Variants in FAM184A observed in about 807,000 individuals in gnomAD.
FAM184A encodes protein FAM184A.
A neutral mutation model predicts 143.8 loss-of-function variants in FAM184A; 99 were observed. The observed-to-expected ratio is 0.69, with a 90% CI of 0.58 to 0.81. FAM184A has a LOEUF of 0.81. FAM184A is among the 40% of genes least tolerant of loss of function. The pLI is 0.00. For missense variants in FAM184A, 1,217 were observed against 1,310.5 expected (o/e 0.93, Z 1.10); for synonymous variants, 427 against 446.4 (o/e 0.96, Z 0.55).
At chr6:119,084,843 C>G (rs1021218082) in intron 1 of FAM184A, among the ~76,000 whole-genome samples, 7 of 152,264 alleles carry the variant, frequency 4.6e-5, no homozygotes, top group Non-Finnish European at 1.0e-4. Flanking sequence ...AGGCTTCATA[C>G]CACCAAGGTT....
intron 5 of FAM184A, among the ~76,000 whole-genome samples, chr6:119,013,569 CACTA>C (rs1785152445): frequency 6.6e-6 from 1 of 152,228 alleles, no homozygotes; most frequent in African/African-American, 2.4e-5. Flanking sequence ...GCACATGCCT[CACTA>C]ACTAATGCTG....
chr6:119,112,950 T>G (rs986379775), intron 1 of FAM184A, among the ~76,000 whole-genome samples: 2 of 152,188 alleles, frequency 1.3e-5, no homozygotes, highest in Non-Finnish European at 2.9e-5. Flanking sequence ...ACAGTACATT[T>G]TTCCTTGCCT....
intron 5 of FAM184A, among the ~76,000 whole-genome samples, chr6:119,014,579 G>T (rs780654114): frequency 2.6e-5 from 4 of 152,208 alleles, no homozygotes; most frequent in Non-Finnish European, 5.9e-5. Context: ...TTCCTGAAGA[G>T]CACACCTATT....
At position 119,078,054 on chromosome 6, in the gene FAM184A, C is replaced by G. The variant is rs1036082900; in HGVS notation, c.159+87G>C. ...GGAGTAGAGTTCCCCTCGCTGCGGG[C>G]GCAGGGCGCACTGCCTCCCGGGGAG... On this transcript the variant is annotated intron_variant, in intron 1 of 17. Transcript: ENST00000338891. The surrounding 1 kb of genome is among the most constrained non-coding windows in gnomAD (Gnocchi z 5.5). The G allele has an allele frequency of 3.3e-5, 47 of 1,445,836 alleles. No homozygotes were observed. The highest frequency in any genetic ancestry group is 2.6e-5 in the East Asian group (1 of 38,352). The allele number at this position is 1,445,836 out of a possible 1,614,324, so 89.6% of individuals were successfully genotyped here. A position where few individuals can be genotyped will look rare whatever the true frequency, so the allele number is the denominator to read the frequency against.
At chr6:119,021,395 A>G (rs981130335) in intron 3 of FAM184A, among the ~76,000 whole-genome samples, 8 of 152,244 alleles carry the variant, frequency 5.3e-5, no homozygotes, top group Admixed American at 1.3e-4. Context: ...CAGCCACTTG[A>G]GAAATAGGCA....
intron 1 of FAM184A, among the ~76,000 whole-genome samples, chr6:119,116,707 G>T (rs948633722): frequency 2.6e-5 from 4 of 152,176 alleles, no homozygotes; most frequent in Non-Finnish European, 5.9e-5. Context: ...CATAAAACTG[G>T]CATTGACTGG....
chr6:119,112,291 G>A (rs978368781), intron 1 of FAM184A, among the ~76,000 whole-genome samples: 3 of 151,950 alleles, frequency 2.0e-5, no homozygotes, highest in Admixed American at 6.6e-5. Context: ...TACATGCCCG[G>A]CTAATTTTGT....
chr6:118,970,652 G>A (rs187729789), intron 14 of FAM184A, among the ~76,000 whole-genome samples: 21 of 152,184 alleles, frequency 1.4e-4, no homozygotes, highest in African/African-American at 4.1e-4. Flanking sequence ...GGGAAATGCC[G>A]CCTTGAGAAT....
At chr6:119,051,390 G>A (rs953346018) in intron 1 of FAM184A, among the ~76,000 whole-genome samples, 1 of 152,138 alleles carries the variant, frequency 6.6e-6, no homozygotes, top group South Asian at 2.1e-4. Flanking sequence ...GGCTGGAGAG[G>A]GTAGTGGGGT....
chr6:119,030,717 G>A (rs796140305), intron 1 of FAM184A, among the ~76,000 whole-genome samples: 12 of 151,534 alleles, frequency 7.9e-5, no homozygotes, highest in African/African-American at 2.4e-4. Flanking sequence ...ATTTTAAAAG[G>A]AACTTTAGTA....
chr6:119,113,316 T>C (rs191518271), intron 1 of FAM184A, among the ~76,000 whole-genome samples: 1 of 152,328 alleles, frequency 6.6e-6, no homozygotes, highest in East Asian at 1.9e-4. Flanking sequence ...CTCAAGGTCC[T>C]TCCCCTTCAC....
In FAM184A at chr6:118,961,769, T is replaced by C; in HGVS notation, c.3333A>G (p.Thr1111=). Residue 1111 remains threonine (T), a synonymous_variant, in exon 17 of 18, where the codon ACA becomes ACG. Transcript: ENST00000338891. The part of the protein sequence containing the change: ...PQPVPPKGPK[T]FLSPAQSEAS... The stretch of plus-strand genomic sequence containing the variant: ...GGTGAGACGGGTCTCACCTCAAAAA[T>C]GTCTTGGGCCCTTTAGGTGGCACTG... 6.2e-7 allele frequency: 1 copy of C among 1,613,300 alleles called. No individual in the cohort carries two copies. The highest frequency in any genetic ancestry group is 1.1e-5 in the South Asian group (1 of 90,992).
intron 9 of FAM184A, among the ~76,000 whole-genome samples, chr6:118,992,043 T>C (rs533072091): frequency 6.6e-6 from 1 of 151,986 alleles, no homozygotes; most frequent in South Asian, 2.1e-4. Context: ...GGATTACAGG[T>C]ATGAGCCAGC....
At chr6:119,112,308 A>G (rs1166040244) in intron 1 of FAM184A, among the ~76,000 whole-genome samples, 1 of 151,954 alleles carries the variant, frequency 6.6e-6, no homozygotes. Context: ...TTGTATTTTT[A>G]GTAGAGACGG....
At chr6:119,006,257 G>C in intron 7 of FAM184A, 190 bp downstream of exon 7, 1 of 750,408 alleles carries the variant, frequency 1.3e-6, no homozygotes. Context: ...TGGACTTCTA[G>C]CCTCCAGAGC....
At chr6:119,119,185 GC>G (rs202002224) in intron 1 of FAM184A, among the ~76,000 whole-genome samples, 4,970 of 152,280 alleles carry the variant, frequency 0.033, 125 homozygotes, top group African/African-American at 0.065. Context: ...CAATGACAAT[GC>G]GTGCCAAAAC....
intron 1 of FAM184A, among the ~76,000 whole-genome samples, chr6:119,101,119 T>A (rs1254941041): frequency 2.1e-5 from 3 of 145,812 alleles, no homozygotes; most frequent in African/African-American, 7.6e-5. Context: ...CAGGCTGGAG[T>A]TTAATGGCAT....
At chr6:119,139,807 C>T (rs1277647393) in intron 1 of FAM184A, among the ~76,000 whole-genome samples, 1 of 152,196 alleles carries the variant, frequency 6.6e-6, no homozygotes, top group South Asian at 2.1e-4. Context: ...GTCTTCACGT[C>T]CTCTTTTTTT....
At chr6:119,047,339 G>C (rs1293375331) in intron 1 of FAM184A, among the ~76,000 whole-genome samples, 3 of 152,116 alleles carry the variant, frequency 2.0e-5, no homozygotes, top group Admixed American at 2.0e-4. Flanking sequence ...CAAAAAACTA[G>C]AAATTAAACT....
Sources: gnomAD v4.1 joint callset for allele counts (sites outside exome capture counted in the v4.1 genomes callset) on GRCh38, gnomAD v4.1.1 for gene constraint, Gnocchi (gnomAD v3.1) non-coding constraint, MANE v1.5 for transcripts, NCBI Gene and HGNC (gene_info 2026-07-23, HGNC 2026-07-21) for gene names.